Variants in PALLD observed in about 807,000 individuals in gnomAD.
PALLD encodes the protein palladin, cytoskeletal associated protein, also known as palladin.
In PALLD, 61 loss-of-function variants were observed where a neutral mutation model predicts 123.5. The ratio of observed to expected loss-of-function variants is 0.49; its 90% confidence interval spans 0.40 to 0.61. PALLD has a LOEUF of 0.61. PALLD is among the 20% of genes least tolerant of loss of function. The pLI is 0.00. For synonymous variants in PALLD, 465 were observed against 496.4 expected (o/e 0.94, Z 0.84); for missense variants, 1,273 against 1,377.0 (o/e 0.92, Z 1.20).
At chr4:168,895,106 G>A (rs28730365) in intron 12 of PALLD, among the ~76,000 whole-genome samples, 1,720 of 152,226 alleles carry the variant, frequency 0.011, 49 homozygotes, top group African/African-American at 0.039. Flanking sequence ...ACATATGGCC[G>A]GGCACAGTGG....
At chr4:168,503,695 G>A (rs918207052) in intron 1 of PALLD, among the ~76,000 whole-genome samples, 1 of 151,570 alleles carries the variant, frequency 6.6e-6, no homozygotes, top group African/African-American at 2.4e-5. Flanking sequence ...CACATTTTAA[G>A]CAAAAGGAGC....
intron 2 of PALLD, among the ~76,000 whole-genome samples, chr4:168,533,384 G>A (rs1365709558): frequency 6.6e-6 from 1 of 152,052 alleles, no homozygotes; most frequent in African/African-American, 2.4e-5. Flanking sequence ...AGAAATTAGG[G>A]GCCTGAATCA....
intron 10 of PALLD, among the ~76,000 whole-genome samples, chr4:168,721,706 C>T (rs1317806238): frequency 6.6e-6 from 1 of 152,166 alleles, no homozygotes; most frequent in Non-Finnish European, 1.5e-5. Flanking sequence ...GTTCATTTGA[C>T]TGTTCATCAT....
chr4:168,690,557 G>T (rs529544511), intron 6 of PALLD, 46 bp from the exon 7 acceptor site: 1 of 1,612,572 alleles, frequency 6.2e-7, no homozygotes. Context: ...GCTTAAAAAT[G>T]CACCAAAGTC....
chr4:168,545,621 C>A (rs1766066686), intron 2 of PALLD, among the ~76,000 whole-genome samples: 1 of 152,060 alleles, frequency 6.6e-6, no homozygotes, highest in Non-Finnish European at 1.5e-5. Flanking sequence ...TTTACCTATT[C>A]ACTCTTTTAA....
chr4:168,701,555 T>C (rs563945406), intron 8 of PALLD, among the ~76,000 whole-genome samples: 11 of 152,318 alleles, frequency 7.2e-5, no homozygotes, highest in Admixed American at 4.6e-4. Context: ...TTACAAGTCA[T>C]CAAGATCATC....
chr4:168,653,925 C>T (rs1778307768), intron 2 of PALLD, among the ~76,000 whole-genome samples: 1 of 152,024 alleles, frequency 6.6e-6, no homozygotes, highest in Non-Finnish European at 1.5e-5. Flanking sequence ...TGGTCTCGAT[C>T]TCCTGACCTC....
At chr4:168,767,094 G>A (rs1198651115) in intron 10 of PALLD, among the ~76,000 whole-genome samples, 1 of 152,162 alleles carries the variant, frequency 6.6e-6, no homozygotes, top group East Asian at 1.9e-4. Context: ...AGAATTGGAT[G>A]CAACATTTCA....
intron 10 of PALLD, among the ~76,000 whole-genome samples, chr4:168,833,800 G>T (rs1744698869): frequency 6.7e-6 from 1 of 150,346 alleles, no homozygotes; most frequent in Non-Finnish European, 1.5e-5. Flanking sequence ...CTTTGATTTA[G>T]ATAAGAGGTT....
chr4:168,926,985 T>C lies in PALLD; in HGVS notation c.*805T>C. ...CAAAAGAGTTTTCTAACAAGGTTAA[T>C]ACCTTAGTTCTTAACATTTTTTTTC... is the stretch of plus-strand genomic sequence containing the variant. On this transcript the variant is annotated 3_prime_UTR_variant, in exon 22 of 22. Transcript: ENST00000505667. The C allele has an allele frequency of 4.6e-6, 1 of 219,620 alleles. No individual in the cohort carries two copies. Among genetic ancestry groups the C allele is most frequent in the Non-Finnish European group, 9.2e-6 (1 of 109,110 alleles). The allele number at this position is 219,620 out of a possible 1,614,324, so 13.6% of individuals were successfully genotyped here.
At chr4:168,889,167 G>GTGTGTGTGGT (rs1560861904) in intron 10 of PALLD, among the ~76,000 whole-genome samples, 18 of 41,474 alleles carry the variant, frequency 4.3e-4, no homozygotes, top group African/African-American at 7.7e-4. Flanking sequence ...TGTGTGTGTG[G>GTGTGTGTGGT]TTTTTTTTTT....
chr4:168,642,258 G>A (rs1365049583), intron 2 of PALLD, among the ~76,000 whole-genome samples: 1 of 152,190 alleles, frequency 6.6e-6, no homozygotes. Context: ...TTTTTAGACT[G>A]AAAGCAGACT....
At chr4:168,710,434 CAATAAATGGGTCATTTGTTA>C in intron 9 of PALLD, among the ~76,000 whole-genome samples, 1 of 152,196 alleles carries the variant, frequency 6.6e-6, no homozygotes, top group South Asian at 2.1e-4. Flanking sequence ...AGTAGGGAAT[CAATAAATGGGTCATTTGTTA>C]AATGATACGG....
chr4:168,516,954 A>G (rs1580081300), intron 2 of PALLD, among the ~76,000 whole-genome samples: 1 of 152,276 alleles, frequency 6.6e-6, no homozygotes, highest in East Asian at 1.9e-4. Flanking sequence ...GGGTATAGTT[A>G]GTGTAGAAAC....
At chr4:168,774,582 G>A (rs990750551) in intron 10 of PALLD, among the ~76,000 whole-genome samples, 4 of 151,916 alleles carry the variant, frequency 2.6e-5, no homozygotes, top group Non-Finnish European at 4.4e-5. Context: ...ACAAAAATTA[G>A]CCGAGTGTGG....
At chr4:168,854,427 CA>C (rs897841359) in intron 10 of PALLD, among the ~76,000 whole-genome samples, 13 of 152,136 alleles carry the variant, frequency 8.5e-5, no homozygotes, top group African/African-American at 2.2e-4. Context: ...TTGACAAAGC[CA>C]AAAAAATGTT....
intron 10 of PALLD, among the ~76,000 whole-genome samples, chr4:168,880,915 T>G (rs1254866775): frequency 2.0e-5 from 3 of 152,250 alleles, no homozygotes; most frequent in Non-Finnish European, 4.4e-5. Flanking sequence ...TTTCTTTTCT[T>G]TTCTTTTTTT....
At chr4:168,859,480 G>C (rs980159726) in intron 10 of PALLD, among the ~76,000 whole-genome samples, 3 of 152,212 alleles carry the variant, frequency 2.0e-5, no homozygotes, top group South Asian at 2.1e-4. Flanking sequence ...GAGTGGAAAG[G>C]CTTGAGAAAT....
chr4:168,659,232 C>T (rs965157958), intron 2 of PALLD, among the ~76,000 whole-genome samples: 4 of 152,206 alleles, frequency 2.6e-5, no homozygotes, highest in South Asian at 4.1e-4. Flanking sequence ...TTCTCCAGTT[C>T]GTGGCAGACC....
Sources: gnomAD v4.1 joint callset for allele counts (sites outside exome capture counted in the v4.1 genomes callset) on GRCh38, gnomAD v4.1.1 for gene constraint, MANE v1.5 for transcripts, NCBI Gene and HGNC (gene_info 2026-07-23, HGNC 2026-07-21) for gene names.